The following KIAA1328 variants were observed in gnomAD, a reference collection of about 807,000 sequenced individuals.
The protein encoded by KIAA1328 is KIAA1328, also known as protein hinderin.
KIAA1328 carries 52 observed loss-of-function variants against 68.1 expected under a neutral mutation model. The observed-to-expected ratio is 0.76, with a 90% CI of 0.61 to 0.96. KIAA1328 has a LOEUF of 0.96. Among genes scored for constraint, KIAA1328 ranks in the 40% least tolerant of loss-of-function variants. The pLI, the probability that KIAA1328 is intolerant of heterozygous loss-of-function variation, is 0.00. For synonymous variants in KIAA1328, 232 were observed against 239.4 expected (o/e 0.97, Z 0.28); for missense variants, 641 against 677.6 (o/e 0.95, Z 0.60).
chr18:37,111,346 T>C (rs1253604823), intron 7 of KIAA1328, among the ~76,000 whole-genome samples: 1 of 152,180 alleles, frequency 6.6e-6, no homozygotes, highest in African/African-American at 2.4e-5. Context: ...CCTGATTACC[T>C]AGGATTTTAT....
chr18:36,916,038 C>T (rs2049684747), intron 5 of KIAA1328, among the ~76,000 whole-genome samples: 1 of 152,106 alleles, frequency 6.6e-6, no homozygotes, highest in South Asian at 2.1e-4. Context: ...AATGTGTTGT[C>T]TTTTCAATGT....
chr18:36,939,474 A>G (rs2050626754), intron 5 of KIAA1328, among the ~76,000 whole-genome samples: 1 of 152,092 alleles, frequency 6.6e-6, no homozygotes, highest in Non-Finnish European at 1.5e-5. Flanking sequence ...TTCATTTATC[A>G]GCTCTAAATT....
chr18:37,230,694 A>G (rs1599649297), downstream of KIAA1328: 1 of 152,278 alleles, frequency 6.6e-6, no homozygotes, highest in South Asian at 2.1e-4. Context: ...TACCCTTTGG[A>G]CTACTCCAGC....
At chr18:37,197,038 CTA>C (rs1418010973) in intron 9 of KIAA1328, among the ~76,000 whole-genome samples, 1 of 151,940 alleles carries the variant, frequency 6.6e-6, no homozygotes, top group Non-Finnish European at 1.5e-5. Context: ...AGGAACCTCT[CTA>C]TTTCTTCTAG....
intron 5 of KIAA1328, among the ~76,000 whole-genome samples, chr18:36,945,152 C>A (rs1015087212): frequency 6.6e-6 from 1 of 152,046 alleles, no homozygotes; most frequent in African/African-American, 2.4e-5. Flanking sequence ...TAAAACCTAG[C>A]CCCTTGATTT....
At chr18:37,001,043 C>T (rs558189711) in intron 6 of KIAA1328, among the ~76,000 whole-genome samples, 4 of 151,932 alleles carry the variant, frequency 2.6e-5, no homozygotes, top group African/African-American at 9.6e-5. Flanking sequence ...GACATAAGAA[C>T]AGACCTAAAT....
chr18:36,892,298 G>A (rs2048716789), intron 5 of KIAA1328, among the ~76,000 whole-genome samples: 1 of 151,942 alleles, frequency 6.6e-6, no homozygotes, highest in African/African-American at 2.4e-5. Context: ...TAGAAGAGAA[G>A]GCAGATGTTC....
At position 37,087,955 on chromosome 18, in the gene KIAA1328, C is replaced by A. The variant is rs2057153815; in HGVS notation, c.1232+20410C>A. ...CTCTCCTGGGGGATAAACCTCCAGT[C>A]ATCTTCATACAATGGGGACAGATAG... On this transcript the variant is annotated intron_variant, in intron 7 of 9. Coordinates refer to ENST00000280020, the MANE Select transcript of KIAA1328 (RefSeq NM_020776.3). Among the ~76,000 whole-genome samples, 6 of 152,286 alleles carry A rather than the reference C, an allele frequency of 3.9e-5. No individual in the cohort carries two copies. In the South Asian group the frequency reaches 1.2e-3, roughly 32 times the overall value.
intron 6 of KIAA1328, among the ~76,000 whole-genome samples, chr18:37,062,243 AC>A (rs1159241202): frequency 6.6e-6 from 1 of 152,076 alleles, no homozygotes; most frequent in East Asian, 1.9e-4. Flanking sequence ...TTTAGATATA[AC>A]CTGTTGTAAC....
chr18:37,217,280 T>C (rs927940326), intron 9 of KIAA1328, among the ~76,000 whole-genome samples: 1 of 152,222 alleles, frequency 6.6e-6, no homozygotes, highest in Non-Finnish European at 1.5e-5. Flanking sequence ...CTTTACAATT[T>C]GGCATGTTTT....
At chr18:36,879,025 T>C (rs1485843425) in intron 4 of KIAA1328, among the ~76,000 whole-genome samples, 2 of 152,212 alleles carry the variant, frequency 1.3e-5, no homozygotes, top group Admixed American at 6.5e-5. Flanking sequence ...TGTCAATTCG[T>C]CAAACTCATT....
chr18:36,844,800 T>C (rs964998301), intron 4 of KIAA1328, among the ~76,000 whole-genome samples: 3 of 151,930 alleles, frequency 2.0e-5, no homozygotes, highest in African/African-American at 7.2e-5. Flanking sequence ...ATGAGGCTCA[T>C]CTACTTTGTA....
At position 36,833,618 on chromosome 18, in the gene KIAA1328, G is replaced by A. The variant is rs140303700; in HGVS notation, c.59-702G>A. On this transcript the variant is annotated intron_variant, in intron 1 of 9. Transcript: ENST00000280020. ...GGCTGTTAAGGGAACATGCACAGAA[G>A]TGACAGAGAGCAGTTAGGAGCTTAT... Among the ~76,000 whole-genome samples, 585 of 152,340 alleles carry A rather than the reference G, an allele frequency of 3.8e-3. 6 individuals carry two copies. Among genetic ancestry groups the A allele is most frequent in the South Asian group, 0.03 (144 of 4,826 alleles).
chr18:37,221,772 C>T (rs2060567860), intron 9 of KIAA1328, among the ~76,000 whole-genome samples: 1 of 152,120 alleles, frequency 6.6e-6, no homozygotes, highest in Admixed American at 6.5e-5. Flanking sequence ...TACAATCTCT[C>T]TTCATAAGTT....
chr18:37,183,999 A>G (rs769997736), intron 9 of KIAA1328, among the ~76,000 whole-genome samples: 6 of 152,062 alleles, frequency 3.9e-5, no homozygotes, highest in African/African-American at 1.2e-4. Flanking sequence ...TACTTTTTCT[A>G]TTATTTTCTG....
chr18:36,836,055 G>A (rs893679353), intron 3 of KIAA1328, among the ~76,000 whole-genome samples: 3 of 152,136 alleles, frequency 2.0e-5, no homozygotes, highest in African/African-American at 7.2e-5. Flanking sequence ...CAATAGCAGG[G>A]TTGCTACAGA....
At chr18:37,174,673 A>G (rs1181249654) in intron 9 of KIAA1328, among the ~76,000 whole-genome samples, 2 of 151,518 alleles carry the variant, frequency 1.3e-5, no homozygotes, top group African/African-American at 4.9e-5. Flanking sequence ...GGCTCACTAC[A>G]AGCTCCACCT....
chr18:37,226,958 G>T (rs963317055), downstream of KIAA1328, among the ~76,000 whole-genome samples: 7 of 152,032 alleles, frequency 4.6e-5, no homozygotes, highest in Non-Finnish European at 8.8e-5. Context: ...GTAGAGACGG[G>T]GTTTCCCCAT....
chr18:36,941,947 A>T (rs1217232013), intron 5 of KIAA1328, among the ~76,000 whole-genome samples: 1 of 152,204 alleles, frequency 6.6e-6, no homozygotes, highest in East Asian at 1.9e-4. Context: ...CCTAATAAAA[A>T]TGATAGAACA....
Sources: gnomAD v4.1 joint callset for allele counts (sites outside exome capture counted in the v4.1 genomes callset) on GRCh38, gnomAD v4.1.1 for gene constraint, MANE v1.5 for transcripts, NCBI Gene and HGNC (gene_info 2026-07-23, HGNC 2026-07-21) for gene names.